ZFAND3: variants seen among roughly 807,000 people sequenced by gnomAD.
ZFAND3 encodes the protein zinc finger AN1-type containing 3.
Under a neutral mutation model 29.6 loss-of-function variants are expected in ZFAND3, and 10 were observed. That is an observed-to-expected ratio of 0.34 (90% confidence interval 0.21 to 0.57). ZFAND3 has a LOEUF of 0.57. ZFAND3 is among the 20% of genes least tolerant of loss of function. ZFAND3 has a pLI of 0.86. For synonymous variants in ZFAND3, 128 were observed against 112.6 expected (o/e 1.14, Z -0.87); for missense variants, 230 against 304.5 (o/e 0.76, Z 1.82).
intron 2 of ZFAND3, among the ~76,000 whole-genome samples, chr6:37,962,025 G>A (rs1396862544): frequency 1.3e-5 from 2 of 152,076 alleles, no homozygotes; most frequent in African/African-American, 2.4e-5. Context: ...TAAGGCACCC[G>A]GGACAAATCC....
Position 38,153,609 on chromosome 6 carries a change from C to T in ZFAND3, c.*1220C>T. ...GTGAGGGCCTGAGGGTACATTTCTC[C>T]ACCTGTGCCCCCTCATGTTCACAGA... is the stretch of plus-strand genomic sequence containing the variant. On this transcript the variant is annotated 3_prime_UTR_variant, in exon 6 of 6. Coordinates refer to ENST00000287218, the MANE Select transcript of ZFAND3 (RefSeq NM_021943.3). 1 of 985,524 alleles carries T rather than the reference C, an allele frequency of 1.0e-6. No homozygotes were observed. Among genetic ancestry groups the T allele is most frequent in the Non-Finnish European group, 1.2e-6 (1 of 830,004 alleles). 61.0% of individuals were successfully genotyped at this position (985,524 alleles called of 1,614,324 possible).
intron 3 of ZFAND3, among the ~76,000 whole-genome samples, chr6:38,071,607 GATT>G (rs557666989): frequency 3.6e-4 from 55 of 152,068 alleles, no homozygotes; most frequent in African/African-American, 1.3e-3. Context: ...TTCTGATTTG[GATT>G]ATATTGAATA....
intron 2 of ZFAND3, among the ~76,000 whole-genome samples, chr6:37,939,050 G>GA (rs1761754512): frequency 6.6e-6 from 1 of 152,190 alleles, no homozygotes; most frequent in Admixed American, 6.5e-5. Context: ...GGCATAGAGA[G>GA]AAAATGTTAG....
intron 2 of ZFAND3, among the ~76,000 whole-genome samples, chr6:37,942,804 TG>T (rs1196284863): frequency 6.6e-6 from 1 of 152,200 alleles, no homozygotes; most frequent in Non-Finnish European, 1.5e-5. Context: ...CTTCTGTTAT[TG>T]TATTTGCATC....
intron 1 of ZFAND3, among the ~76,000 whole-genome samples, chr6:37,828,094 C>G (rs997733417): frequency 6.6e-6 from 1 of 152,314 alleles, no homozygotes; most frequent in East Asian, 1.9e-4. Context: ...CTCTTACACA[C>G]TGATAAGTTG....
At chr6:38,112,477 C>T (rs1429716929) in intron 4 of ZFAND3, among the ~76,000 whole-genome samples, 1 of 152,194 alleles carries the variant, frequency 6.6e-6, no homozygotes, top group African/African-American at 2.4e-5. Flanking sequence ...TTTCTTGTCA[C>T]CTCTCTCTCC....
chr6:37,939,581 A>G (rs1761776231), intron 2 of ZFAND3, among the ~76,000 whole-genome samples: 1 of 152,190 alleles, frequency 6.6e-6, no homozygotes, highest in Non-Finnish European at 1.5e-5. Context: ...CTACGGGAAT[A>G]TGTAACTACT....
intron 1 of ZFAND3, among the ~76,000 whole-genome samples, chr6:37,901,159 A>G (rs1225500960): frequency 2.0e-5 from 3 of 152,182 alleles, no homozygotes; most frequent in Non-Finnish European, 4.4e-5. Context: ...TGGTGCTTTC[A>G]CTGTGGCCAG....
intron 2 of ZFAND3, among the ~76,000 whole-genome samples, chr6:37,966,387 C>T (rs80168025): frequency 3.3e-5 from 5 of 152,252 alleles, no homozygotes; most frequent in Non-Finnish European, 2.9e-5. Context: ...TACAAAGTGC[C>T]AGGCATTGTG....
chr6:37,956,022 C>T (rs1021914991), intron 2 of ZFAND3, among the ~76,000 whole-genome samples: 4 of 151,904 alleles, frequency 2.6e-5, no homozygotes, highest in Admixed American at 6.6e-5. Context: ...GGGTTTTGGA[C>T]GCAGCTTGAG....
At chr6:37,998,324 G>A (rs971858075) in intron 2 of ZFAND3, among the ~76,000 whole-genome samples, 7 of 152,152 alleles carry the variant, frequency 4.6e-5, no homozygotes, top group African/African-American at 1.4e-4. Flanking sequence ...GGTGAAGCAC[G>A]GGGGAATTTT....
intron 2 of ZFAND3, among the ~76,000 whole-genome samples, chr6:37,993,319 T>G (rs187385731): frequency 6.6e-6 from 1 of 151,842 alleles, no homozygotes; most frequent in East Asian, 1.9e-4. Context: ...TTTATTTTAT[T>G]ATTTATTTAT....
chr6:38,135,222 G>A (rs1765816729), intron 5 of ZFAND3, among the ~76,000 whole-genome samples: 1 of 152,180 alleles, frequency 6.6e-6, no homozygotes, highest in South Asian at 2.1e-4. Context: ...AAAGGGGCTA[G>A]CACACTTCAG....
At chr6:38,149,048 T>C (rs1458280997) in intron 5 of ZFAND3, among the ~76,000 whole-genome samples, 3 of 152,070 alleles carry the variant, frequency 2.0e-5, no homozygotes, top group Admixed American at 6.5e-5. Context: ...TTAATAGTTT[T>C]TACCTTTCAA....
chr6:37,961,920 C>T, intron 2 of ZFAND3, among the ~76,000 whole-genome samples: 1 of 152,134 alleles, frequency 6.6e-6, no homozygotes, highest in East Asian at 1.9e-4. Flanking sequence ...GCAAAGACTA[C>T]AATAAATACC....
chr6:38,035,858 A>G (rs1763646956), intron 2 of ZFAND3, among the ~76,000 whole-genome samples: 1 of 152,204 alleles, frequency 6.6e-6, no homozygotes, highest in South Asian at 2.1e-4. Context: ...ATTTAAAGCA[A>G]AACATTTAAA....
intron 4 of ZFAND3, among the ~76,000 whole-genome samples, chr6:38,086,761 T>C (rs1764766176): frequency 6.6e-6 from 1 of 152,186 alleles, no homozygotes; most frequent in Admixed American, 6.5e-5. Flanking sequence ...ACAGTATATT[T>C]TTATGTTTAA....
intron 5 of ZFAND3, among the ~76,000 whole-genome samples, chr6:38,150,100 G>A (rs1417091163): frequency 1.3e-5 from 2 of 152,222 alleles, no homozygotes; most frequent in Non-Finnish European, 2.9e-5. Context: ...GATGGAGGAT[G>A]CATATTGAGG....
At chr6:38,086,496 T>C (rs1764761230) in intron 4 of ZFAND3, among the ~76,000 whole-genome samples, 1 of 152,220 alleles carries the variant, frequency 6.6e-6, no homozygotes, top group Non-Finnish European at 1.5e-5. Context: ...AGAGTTTACA[T>C]TTCTTCAGAG....
Sources: gnomAD v4.1 joint callset for allele counts (sites outside exome capture counted in the v4.1 genomes callset) on GRCh38, gnomAD v4.1.1 for gene constraint, MANE v1.5 for transcripts, NCBI Gene and HGNC (gene_info 2026-07-23, HGNC 2026-07-21) for gene names.